Variants in SNTG2 observed in about 807,000 individuals in gnomAD.
SNTG2 encodes syntrophin gamma 2.
In SNTG2, 74 loss-of-function variants were observed where a neutral mutation model predicts 70.9. The observed-to-expected ratio is 1.04, with a 90% CI of 0.86 to 1.27. The LOEUF is 1.27. Ranked by LOEUF, SNTG2 falls within the 50% of genes most tolerant of loss-of-function variation. SNTG2 has a pLI of 0.00. For synonymous variants in SNTG2, 278 were observed against 273.8 expected, an observed-to-expected ratio of 1.02 and a Z score of -0.15; for missense variants, 717 against 690.7, an observed-to-expected ratio of 1.04 and a Z score of -0.43.
intron 1 of SNTG2, among the ~76,000 whole-genome samples, chr2:1,036,076 A>G (rs944380998): frequency 1.3e-5 from 2 of 152,158 alleles, no homozygotes; most frequent in African/African-American, 4.8e-5. Context: ...ATAGGCTCAT[A>G]AGATTTTTGT....
At chr2:1,278,921 C>G (rs1320942291) in intron 14 of SNTG2, among the ~76,000 whole-genome samples, 2 of 137,506 alleles carry the variant, frequency 1.5e-5, no homozygotes, top group Non-Finnish European at 3.3e-5. Context: ...CCCCCCGGGA[C>G]GCGAATCACC....
rs535391554 is a variant in SNTG2 at position 1,100,322 on chromosome 2, A to G, written c.325+1912A>G. On this transcript the variant is annotated intron_variant, in intron 4 of 16. Coordinates refer to ENST00000308624, the MANE Select transcript of SNTG2 (RefSeq NM_018968.4). ...GCTGGGACTACAGGTGCCCGCCACCACGCCTGGCTAATTTTTGTATTTTTA... is the reference window on the plus strand; with the variant it reads ...GCTGGGACTACAGGTGCCCGCCACCGCGCCTGGCTAATTTTTGTATTTTTA... 1.1e-3 allele frequency among the ~76,000 whole-genome samples: 164 copies of G among 152,130 alleles called. 1 individual carries two copies. The highest frequency in any genetic ancestry group is 1.9e-3 in the Non-Finnish European group (128 of 68,010).
intron 9 of SNTG2, among the ~76,000 whole-genome samples, chr2:1,236,947 T>TTC (rs1422264942): frequency 7.6e-5 from 10 of 131,250 alleles, no homozygotes; most frequent in African/African-American, 3.2e-4. Flanking sequence ...GTTTTCTTTT[T>TTC]TTCTTTTTTT....
At chr2:1,209,000 T>C in intron 8 of SNTG2, 103 bp from the exon 9 acceptor site, 1 of 1,380,594 alleles carries the variant, frequency 7.2e-7, no homozygotes, top group Non-Finnish European at 9.8e-7. Flanking sequence ...TCAGTTGAAA[T>C]GTGTTGGACT....
intron 13 of SNTG2, among the ~76,000 whole-genome samples, chr2:1,260,996 T>C (rs756484705): frequency 7.9e-5 from 12 of 152,156 alleles, no homozygotes; most frequent in Non-Finnish European, 1.5e-4. Context: ...AGGAAGATTA[T>C]AAAAAAATTT....
intron 1 of SNTG2, among the ~76,000 whole-genome samples, chr2:986,109 G>T (rs1211788582): frequency 7.0e-6 from 1 of 143,750 alleles, no homozygotes. Context: ...GAGAGAGAGA[G>T]ATCAGAGGAT....
At chr2:1,203,673 A>AAATATATATATATATAT (rs1451954919) in intron 8 of SNTG2, among the ~76,000 whole-genome samples, 1 of 115,516 alleles carries the variant, frequency 8.7e-6, no homozygotes, top group African/African-American at 3.2e-5. Context: ...CAAAAAAAAA[A>AAATATATATATATATAT]ATATATATAT....
At chr2:1,207,890 G>A (rs1009361414) in intron 8 of SNTG2, among the ~76,000 whole-genome samples, 1 of 152,212 alleles carries the variant, frequency 6.6e-6, no homozygotes, top group African/African-American at 2.4e-5. Context: ...ATTAACCAAT[G>A]TGTAAGGTAT....
chr2:1,318,872 G>T (rs879780664), intron 16 of SNTG2, among the ~76,000 whole-genome samples: 2 of 152,150 alleles, frequency 1.3e-5, no homozygotes, highest in South Asian at 2.1e-4. Context: ...GGCCATGAGG[G>T]TTTCACGCCT....
At chr2:1,293,199 G>A (rs1375627748) in intron 14 of SNTG2, among the ~76,000 whole-genome samples, 4 of 135,040 alleles carry the variant, frequency 3.0e-5, no homozygotes, top group Non-Finnish European at 3.1e-5. Context: ...CAGTAGAAAT[G>A]TCCCCTCTCT....
intron 13 of SNTG2, among the ~76,000 whole-genome samples, chr2:1,262,564 G>A (rs1364251084): frequency 7.5e-6 from 1 of 133,928 alleles, no homozygotes; most frequent in Non-Finnish European, 1.5e-5. Context: ...CCCAGAGGTG[G>A]GAAGAAGCCG....
intron 8 of SNTG2, among the ~76,000 whole-genome samples, chr2:1,187,690 A>G (rs1281592594): frequency 1.3e-5 from 2 of 152,222 alleles, no homozygotes; most frequent in East Asian, 3.9e-4. Flanking sequence ...CCAAGAAGCA[A>G]CAGGCAATCT....
intron 13 of SNTG2, among the ~76,000 whole-genome samples, chr2:1,262,366 AG>A (rs1313204937): frequency 6.6e-6 from 1 of 152,224 alleles, no homozygotes; most frequent in Admixed American, 6.5e-5. Context: ...CCACAGGGAC[AG>A]GAGATGACGC....
chr2:1,095,098 A>AG (rs1558392295), intron 2 of SNTG2, among the ~76,000 whole-genome samples: 97 of 151,380 alleles, frequency 6.4e-4, no homozygotes, highest in African/African-American at 2.1e-3. Context: ...GAGAAAAAAA[A>AG]AGAGAGAGAG....
chr2:1,042,080 T>A (rs1047717080), intron 1 of SNTG2, among the ~76,000 whole-genome samples: 5 of 152,224 alleles, frequency 3.3e-5, no homozygotes, highest in Non-Finnish European at 7.3e-5. Flanking sequence ...ATTTGAAACA[T>A]CTGTTGTATG....
chr2:1,166,532 C>T (rs766164390), intron 7 of SNTG2, among the ~76,000 whole-genome samples: 5 of 152,144 alleles, frequency 3.3e-5, no homozygotes, highest in Admixed American at 6.5e-5. Flanking sequence ...CCGAGTGGCC[C>T]GGCTGTAGCT....
At chr2:1,165,747 A>C in intron 7 of SNTG2, 112 bp downstream of exon 7, 1 of 906,352 alleles carries the variant, frequency 1.1e-6, no homozygotes, top group South Asian at 1.7e-5. Flanking sequence ...CTGAGTGTAC[A>C]TTCAGAGAGA....
At chr2:1,159,940 A>G (rs1035858069) in intron 6 of SNTG2, among the ~76,000 whole-genome samples, 6 of 152,250 alleles carry the variant, frequency 3.9e-5, no homozygotes, top group African/African-American at 1.4e-4. Flanking sequence ...TTGAGGATTC[A>G]TTGAAGTAGT....
intron 6 of SNTG2, among the ~76,000 whole-genome samples, chr2:1,157,795 G>C (rs1412275241): frequency 6.6e-6 from 1 of 152,180 alleles, no homozygotes; most frequent in Non-Finnish European, 1.5e-5. Flanking sequence ...TGTGCTGTAG[G>C]AATGTGCTCA....
Sources: allele counts gnomAD v4.1 joint callset (sites outside exome capture counted in the v4.1 genomes callset), GRCh38; gene constraint gnomAD v4.1.1; transcripts MANE v1.5; gene names NCBI Gene and HGNC (gene_info 2026-07-23, HGNC 2026-07-21).